CSMD1: variants seen among roughly 807,000 people sequenced by gnomAD.
CSMD1 encodes the protein CUB and sushi domain-containing protein 1.
A neutral mutation model predicts 417.5 loss-of-function variants in CSMD1; 213 were observed. The observed-to-expected ratio is 0.51, with a 90% CI of 0.46 to 0.57. The LOEUF (loss-of-function observed/expected upper bound fraction) is 0.57. Ranked by LOEUF, CSMD1 falls within the 20% of genes least tolerant of loss-of-function variation. The pLI, the probability that CSMD1 is intolerant of heterozygous loss-of-function variation, is 0.00. For missense variants in CSMD1, 6,923 were observed against 4,529.7 expected (o/e 1.53, Z -15.17); for synonymous variants, 2,862 against 1,736.8 (o/e 1.65, Z -16.11).
chr8:3,698,463 T>C (rs2449207), intron 7 of CSMD1, among the ~76,000 whole-genome samples: 20,059 of 152,246 alleles, frequency 0.13, 1,722 homozygotes, highest in African/African-American at 0.25. Context: ...TTATTTTTCC[T>C]ACCGTCAAAA....
chr8:4,330,589 C>CAAA (rs34787742), intron 3 of CSMD1, among the ~76,000 whole-genome samples: 75,528 of 143,232 alleles, frequency 0.53, 21,522 homozygotes, highest in East Asian at 0.71. Flanking sequence ...AACCCTGTCT[C>CAAA]AAAAAAAAAA....
At chr8:3,269,824 A>G (rs762007051) in intron 26 of CSMD1, among the ~76,000 whole-genome samples, 6 of 152,200 alleles carry the variant, frequency 3.9e-5, no homozygotes, top group Non-Finnish European at 7.4e-5. Flanking sequence ...TCTGTTTTAC[A>G]TGCTGTGCAG....
chr8:4,328,283 T>G (rs866454089), intron 3 of CSMD1, among the ~76,000 whole-genome samples: 1 of 150,322 alleles, frequency 6.7e-6, no homozygotes, highest in African/African-American at 2.5e-5. Flanking sequence ...ATTCTCTTCT[T>G]AACTGTGAAT....
Position 2,946,108 on chromosome 8 carries a change from G to A in CSMD1, c.10402+3191C>T, listed in dbSNP as rs140530148. Among the ~76,000 whole-genome samples, 12 of 152,264 alleles carry A rather than the reference G, an allele frequency of 7.9e-5. No individual in the cohort carries two copies. In the East Asian group the frequency reaches 1.2e-3, roughly 15 times the overall value. On this transcript the variant is annotated intron_variant, in intron 68 of 69. Transcript: ENST00000635120. ...CAGTGGCTCCTACATGAGTAACACC[G>A]TGCACTATGACATTATGGCAGCTGT...
intron 10 of CSMD1, among the ~76,000 whole-genome samples, chr8:3,500,296 G>A (rs898536827): frequency 6.6e-6 from 1 of 152,126 alleles, no homozygotes; most frequent in African/African-American, 2.4e-5. Context: ...GGGCACTCTA[G>A]CTAGACATCT....
chr8:4,477,047 G>A (rs1008780025), intron 2 of CSMD1, among the ~76,000 whole-genome samples: 9 of 152,206 alleles, frequency 5.9e-5, no homozygotes, highest in African/African-American at 2.2e-4. Flanking sequence ...GGGCTGGTGG[G>A]ACCCCAGCCT....
chr8:4,669,213 T>C (rs757578695), intron 1 of CSMD1, among the ~76,000 whole-genome samples: 5 of 152,210 alleles, frequency 3.3e-5, no homozygotes, highest in African/African-American at 9.6e-5. Flanking sequence ...TTGCTTTTAG[T>C]TCCCTTAATG....
chr8:4,847,636 C>A, intron 1 of CSMD1, among the ~76,000 whole-genome samples: 1 of 151,978 alleles, frequency 6.6e-6, no homozygotes, highest in Non-Finnish European at 1.5e-5. Flanking sequence ...CACCGAGGAC[C>A]CTGTATAACA....
At chr8:3,002,126 T>C (rs1249701318) in intron 52 of CSMD1, among the ~76,000 whole-genome samples, 2 of 152,198 alleles carry the variant, frequency 1.3e-5, no homozygotes, top group Admixed American at 6.5e-5. Context: ...ATCGGATCAA[T>C]AAGTCAGTTC....
intron 4 of CSMD1, among the ~76,000 whole-genome samples, chr8:4,031,002 C>A (rs111511022): frequency 1.3e-5 from 2 of 152,168 alleles, no homozygotes; most frequent in African/African-American, 2.4e-5. Flanking sequence ...CATCTCCATC[C>A]GAGACCACCT....
chr8:3,446,512 T>C (rs915283478), intron 12 of CSMD1, among the ~76,000 whole-genome samples: 23 of 152,296 alleles, frequency 1.5e-4, no homozygotes, highest in African/African-American at 5.3e-4. Flanking sequence ...ATGGTCATGC[T>C]AGAAACAAAA....
chr8:3,756,624 T>G (rs190996584), intron 5 of CSMD1, among the ~76,000 whole-genome samples: 24 of 152,290 alleles, frequency 1.6e-4, no homozygotes, highest in Middle Eastern at 3.4e-3. Flanking sequence ...AAGTTTCCAT[T>G]TCATATGGTG....
chr8:4,086,597 C>T (rs1162560239), intron 3 of CSMD1, among the ~76,000 whole-genome samples: 1 of 152,166 alleles, frequency 6.6e-6, no homozygotes, highest in Non-Finnish European at 1.5e-5. Context: ...GCAGCTTAAC[C>T]TTGAATAAAG....
chr8:4,617,746 C>T (rs1801554718), intron 2 of CSMD1, among the ~76,000 whole-genome samples: 2 of 152,024 alleles, frequency 1.3e-5, no homozygotes, highest in Non-Finnish European at 2.9e-5. Context: ...TGTTTAATTT[C>T]CTATTTGGCA....
In CSMD1 at chr8:4,917,069, T is replaced by C. The variant is rs960549146; in HGVS notation, c.85+77263A>G. Reference sequence around the variant, plus strand: ...AGAGATTTAATTGGCTCAGGTTCGGTAGACTATCTATAGGAAGCACGGCTG... The same window carrying C: ...AGAGATTTAATTGGCTCAGGTTCGGCAGACTATCTATAGGAAGCACGGCTG... On this transcript the variant is annotated intron_variant, in intron 1 of 69. Transcript: ENST00000635120. Among the ~76,000 whole-genome samples, 6 of 152,256 alleles carry C rather than the reference T, an allele frequency of 3.9e-5. No individual in the cohort carries two copies. In the East Asian group the frequency reaches 7.7e-4, roughly 20 times the overall value.
chr8:3,907,347 A>G (rs1319303390), intron 5 of CSMD1, among the ~76,000 whole-genome samples: 1 of 152,238 alleles, frequency 6.6e-6, no homozygotes, highest in Non-Finnish European at 1.5e-5. Context: ...TATAATTAGA[A>G]AAAACAAATA....
intron 12 of CSMD1, among the ~76,000 whole-genome samples, chr8:3,454,021 G>C (rs984283243): frequency 1.3e-5 from 2 of 152,124 alleles, no homozygotes; most frequent in South Asian, 2.1e-4. Flanking sequence ...ATATATTTAG[G>C]ATAGTTAGCT....
In CSMD1 at chr8:3,283,125, C is replaced by G. The variant is rs1040351201; in HGVS notation, c.4153+1019G>C. Among the ~76,000 whole-genome samples, 2 of 152,250 alleles carry G rather than the reference C, an allele frequency of 1.3e-5. 1 individual carries two copies. Among genetic ancestry groups the G allele is most frequent in the Middle Eastern group, 6.8e-3 (2 of 294 alleles). ...TCACGTGTGCAGATGTGGTTTCACA[C>G]TAGTAATTCAGCAGAGGTTCCTCTG... On this transcript the variant is annotated intron_variant, in intron 26 of 69. Transcript: ENST00000635120.
At chr8:3,953,470 CAG>C (rs1371067337) in intron 5 of CSMD1, among the ~76,000 whole-genome samples, 5 of 152,134 alleles carry the variant, frequency 3.3e-5, no homozygotes, top group Non-Finnish European at 7.3e-5. Flanking sequence ...TAAACACACA[CAG>C]AGAGAGGTGT....
Sources: gnomAD v4.1 joint callset for allele counts (sites outside exome capture counted in the v4.1 genomes callset) on GRCh38, gnomAD v4.1.1 for gene constraint, MANE v1.5 for transcripts, NCBI Gene and HGNC (gene_info 2026-07-23, HGNC 2026-07-21) for gene names.